GABRB2: variants seen among roughly 807,000 people sequenced by gnomAD.
The protein encoded by GABRB2 is gamma-aminobutyric acid receptor subunit beta-2.
GABRB2 carries 16 observed loss-of-function variants against 54.7 expected under a neutral mutation model. The ratio of observed to expected loss-of-function variants is 0.29; its 90% CI spans 0.20 to 0.44. The LOEUF (loss-of-function observed/expected upper bound fraction) is 0.44, where lower values mean the gene tolerates loss of function less well. Ranked by LOEUF, GABRB2 falls within the 20% of genes least tolerant of loss-of-function variation. The probability of loss-of-function intolerance (pLI) is 1.00; values close to 1 mark genes in which losing one functional copy is unlikely to be tolerated. For missense variants in GABRB2, 355 were observed against 644.0 expected (o/e 0.55, Z 4.86); for synonymous variants, 244 against 233.8 (o/e 1.04, Z -0.40).
intron 3 of GABRB2, among the ~76,000 whole-genome samples, chr5:161,536,149 T>C (rs1462910366): frequency 1.3e-5 from 2 of 152,210 alleles, no homozygotes; most frequent in African/African-American, 2.4e-5. Flanking sequence ...AGGTACTCTG[T>C]TGTAGCAACA....
intron 9 of GABRB2, among the ~76,000 whole-genome samples, chr5:161,316,513 T>C (rs1457960873): frequency 6.6e-6 from 1 of 152,168 alleles, no homozygotes; most frequent in Non-Finnish European, 1.5e-5. Context: ...TTTTTGTTTA[T>C]TTTTACTTTC....
At chr5:161,297,462 G>A (rs1163973741) in intron 9 of GABRB2, among the ~76,000 whole-genome samples, 5 of 151,974 alleles carry the variant, frequency 3.3e-5, no homozygotes, top group Admixed American at 6.6e-5. Flanking sequence ...GCCTTGGTGT[G>A]TGATGTTCCC....
intron 4 of GABRB2, among the ~76,000 whole-genome samples, chr5:161,419,715 G>A (rs1003762740): frequency 2.6e-5 from 4 of 152,200 alleles, no homozygotes; most frequent in Non-Finnish European, 4.4e-5. Context: ...AAACAGAAAG[G>A]TAAATACGGC....
At chr5:161,336,814 C>CAAAA (rs559725109) in intron 5 of GABRB2, 45 bp from the exon 6 acceptor site, 9 of 1,105,756 alleles carry the variant, frequency 8.1e-6, no homozygotes, top group East Asian at 3.1e-5. Context: ...ATACAGAAAA[C>CAAAA]AAAAAAAAAA....
At chr5:161,466,594 T>C (rs2962417) in intron 3 of GABRB2, among the ~76,000 whole-genome samples, 151,321 of 152,164 alleles carry the variant, frequency 0.99, 75,250 homozygotes, top group East Asian at 1. Flanking sequence ...CCTTGAGAAT[T>C]ACTTTCCATT....
At chr5:161,387,527 G>A (rs1041995800) in intron 5 of GABRB2, among the ~76,000 whole-genome samples, 1 of 152,126 alleles carries the variant, frequency 6.6e-6, no homozygotes, top group Non-Finnish European at 1.5e-5. Flanking sequence ...GAATCAAAGA[G>A]CATGTCCATT....
chr5:161,444,780 C>T (rs1252415883), intron 4 of GABRB2, among the ~76,000 whole-genome samples: 1 of 152,008 alleles, frequency 6.6e-6, no homozygotes, highest in Admixed American at 6.6e-5. Flanking sequence ...ATTTTTTTCA[C>T]CTCATTTAAA....
intron 4 of GABRB2, among the ~76,000 whole-genome samples, chr5:161,454,739 A>G (rs1054268018): frequency 1.3e-5 from 2 of 152,162 alleles, no homozygotes; most frequent in African/African-American, 4.8e-5. Context: ...CATCTAATTC[A>G]CCCCTCTTCC....
intron 3 of GABRB2, among the ~76,000 whole-genome samples, chr5:161,502,322 T>G (rs529312889): frequency 6.6e-6 from 1 of 152,256 alleles, no homozygotes; most frequent in East Asian, 1.9e-4. Context: ...ACTTTCATTA[T>G]TTAATATACT....
intron 3 of GABRB2, among the ~76,000 whole-genome samples, chr5:161,516,649 T>A (rs192093273): frequency 1.4e-4 from 22 of 152,082 alleles, no homozygotes; most frequent in Non-Finnish European, 2.5e-4. Flanking sequence ...AAGTAAAGAT[T>A]TTTTTTTATT....
intron 3 of GABRB2, among the ~76,000 whole-genome samples, chr5:161,507,460 T>A (rs1188745141): frequency 6.6e-6 from 1 of 152,066 alleles, no homozygotes; most frequent in Non-Finnish European, 1.5e-5. Context: ...CTTCTGTAAG[T>A]CTAAAATTAT....
At chr5:161,390,986 G>T (rs750980101) in intron 5 of GABRB2, among the ~76,000 whole-genome samples, 2 of 152,062 alleles carry the variant, frequency 1.3e-5, no homozygotes, top group African/African-American at 2.4e-5. Flanking sequence ...AGTGTTGTTG[G>T]ACAGAACTCA....
chr5:161,374,953 GATAA>G (rs1220246709), intron 5 of GABRB2, among the ~76,000 whole-genome samples: 8 of 152,100 alleles, frequency 5.3e-5, no homozygotes, highest in Admixed American at 2.0e-4. Context: ...TTGCTGAATA[GATAA>G]ATAAATAAAT....
chr5:161,536,774 T>C (rs1046055596), intron 3 of GABRB2, among the ~76,000 whole-genome samples: 3 of 152,136 alleles, frequency 2.0e-5, no homozygotes, highest in African/African-American at 7.2e-5. Flanking sequence ...ATTTTTGTAT[T>C]TTTATTAGAG....
At chr5:161,540,038 G>C (rs1417273362) in intron 3 of GABRB2, among the ~76,000 whole-genome samples, 1 of 152,154 alleles carries the variant, frequency 6.6e-6, no homozygotes, top group Non-Finnish European at 1.5e-5. Context: ...GGCTGAGACA[G>C]TTTCTTAAAA....
chr5:161,497,452 T>C (rs1438221048), intron 3 of GABRB2, among the ~76,000 whole-genome samples: 2 of 151,964 alleles, frequency 1.3e-5, no homozygotes, highest in Non-Finnish European at 2.9e-5. Context: ...CTCAGGAGAG[T>C]ATAATCATGA....
At position 161,546,428 on chromosome 5, in the gene GABRB2, G is replaced by A; in HGVS notation, c.78-15C>T. ...GGTCATTGACACTAAAGAAAGAAAT[G>A]ACAATAAGCAGGCATCAATAAGGAA... is the stretch of plus-strand genomic sequence containing the variant. On this transcript the variant is annotated splice_polypyrimidine_tract_variant and intron_variant, in intron 1 of 9. Transcript: ENST00000393959. The A allele has an allele frequency of 6.2e-7, 1 of 1,609,332 alleles. No homozygotes were observed. Among genetic ancestry groups the A allele is most frequent in the Non-Finnish European group, 8.5e-7 (1 of 1,175,658 alleles).
chr5:161,413,520 A>T (rs1756580788), intron 4 of GABRB2, among the ~76,000 whole-genome samples: 1 of 152,144 alleles, frequency 6.6e-6, no homozygotes, highest in Non-Finnish European at 1.5e-5. Flanking sequence ...TGGCTCTGTG[A>T]CACTTGGCTA....
At chr5:161,469,423 G>C (rs537790644) in intron 3 of GABRB2, among the ~76,000 whole-genome samples, 5 of 151,632 alleles carry the variant, frequency 3.3e-5, no homozygotes, top group African/African-American at 1.2e-4. Flanking sequence ...AGCACCAATT[G>C]TTCCACCATT....
Sources: allele counts gnomAD v4.1 joint callset (sites outside exome capture counted in the v4.1 genomes callset), GRCh38; gene constraint gnomAD v4.1.1; transcripts MANE v1.5; gene names NCBI Gene and HGNC (gene_info 2026-07-23, HGNC 2026-07-21).